Variants in B4GALNT2 observed in about 807,000 individuals in gnomAD.
B4GALNT2 encodes the protein beta-1,4-N-acetyl-galactosaminyltransferase 2 (SID blood group).
Under a neutral mutation model 51.1 loss-of-function variants are expected in B4GALNT2, and 42 were observed. The ratio of observed to expected loss-of-function variants is 0.82; its 90% CI spans 0.64 to 1.06. The LOEUF (loss-of-function observed/expected upper bound fraction) is 1.06. B4GALNT2 is among the 50% of genes least tolerant of loss of function. The probability of loss-of-function intolerance (pLI) is 0.00; values close to 1 mark genes in which losing one functional copy is unlikely to be tolerated. For synonymous variants in B4GALNT2, 253 were observed against 251.7 expected (o/e 1.01, Z -0.05); for missense variants, 602 against 633.6 (o/e 0.95, Z 0.54).
the B4GALNT2 span, among the ~76,000 whole-genome samples, chr17:49,122,834 C>T: frequency 1.3e-5 from 2 of 152,102 alleles, no homozygotes; most frequent in South Asian, 2.1e-4. Flanking sequence ...TATTCCACCC[C>T]GAGGCTGCTA....
upstream of B4GALNT2, among the ~76,000 whole-genome samples, chr17:49,128,633 A>C (rs145280446): frequency 7.9e-5 from 12 of 152,284 alleles, no homozygotes; most frequent in East Asian, 1.5e-3. Context: ...CCTGGTTATA[A>C]AGTTGTCATT....
In B4GALNT2 at chr17:49,174,514, C is replaced by G. The variant is rs1050311783; in HGVS notation, c.*4786C>G. The G allele has an allele frequency of 1.2e-4, 18 of 152,208 alleles. No homozygotes were observed. The allele number at this position is 152,208 out of a possible 1,614,324, so 9.4% of individuals were successfully genotyped here. On this transcript the variant is annotated 3_prime_UTR_variant, in exon 11 of 11. Transcript: ENST00000393354. ...TCTTTGGAATCATAGCAGGAGAAGG[C>G]AGTCCTGGCTGCAATGTCCCCATAG...
At chr17:49,133,068 G>A (rs778536180) in intron 1 of B4GALNT2, 2 of 1,505,104 alleles carry the variant, frequency 1.3e-6, no homozygotes, top group Non-Finnish European at 1.8e-6. Flanking sequence ...CCACGTGGAA[G>A]TGGCCTCTCG....
At chr17:49,127,648 A>T (rs34838849), upstream of B4GALNT2, among the ~76,000 whole-genome samples, 77,207 of 151,706 alleles carry the variant, frequency 0.51, 19,987 homozygotes, top group Middle Eastern at 0.62. Flanking sequence ...AAAAAAAAAA[A>T]TTTCCCTATT....
At chr17:49,135,505 G>T (rs967566911) in intron 1 of B4GALNT2, among the ~76,000 whole-genome samples, 2 of 151,844 alleles carry the variant, frequency 1.3e-5, no homozygotes, top group Non-Finnish European at 2.9e-5. Flanking sequence ...TGATCCACCC[G>T]CCTCGGCCTC....
upstream of B4GALNT2, among the ~76,000 whole-genome samples, chr17:49,127,967 T>C (rs2042519057): frequency 6.6e-6 from 1 of 152,202 alleles, no homozygotes; most frequent in East Asian, 1.9e-4. Context: ...CCTAGGAAAA[T>C]AAGATTTATG....
chr17:49,153,355 C>T (rs1200153370), intron 4 of B4GALNT2, among the ~76,000 whole-genome samples: 2 of 152,074 alleles, frequency 1.3e-5, no homozygotes, highest in Non-Finnish European at 2.9e-5. Context: ...GCCGAGGCTG[C>T]AGTGAGCAGA....
rs749334205 is a variant in B4GALNT2 at position 49,141,265 on chromosome 17, C to T, written c.33C>T (p.Leu11=). 5.6e-6 allele frequency: 9 copies of T among 1,613,970 alleles called. No homozygotes were observed. Among genetic ancestry groups the T allele is most frequent in the East Asian group, 4.5e-5 (2 of 44,876 alleles). Residue 11 remains leucine, a synonymous_variant, in exon 2 of 11, where the codon CTC becomes CTT. Coordinates refer to ENST00000393354, the MANE Select transcript of B4GALNT2 (RefSeq NM_001159387.2). ...CCAACAGCTCGAGATTTCTGTGGCT[C>T]CTCAAGATATTGGTCATAATCCTGG... MTSGGSRFLW[L]LKILVIILVL...
intron 3 of B4GALNT2, among the ~76,000 whole-genome samples, chr17:49,143,324 G>A (rs2042663671): frequency 8.5e-6 from 1 of 117,498 alleles, no homozygotes; most frequent in South Asian, 2.6e-4. Flanking sequence ...AACAAGAAAA[G>A]GGCTGAACTT....
At chr17:49,157,654 G>C (rs1220859807) in intron 5 of B4GALNT2, among the ~76,000 whole-genome samples, 1 of 151,902 alleles carries the variant, frequency 6.6e-6, no homozygotes, top group Non-Finnish European at 1.5e-5. Flanking sequence ...TAGAGTTGTG[G>C]TCTTGCCATG....
chr17:49,157,272 C>T (rs573892126), intron 5 of B4GALNT2, among the ~76,000 whole-genome samples: 44 of 152,010 alleles, frequency 2.9e-4, no homozygotes, highest in African/African-American at 9.4e-4. Flanking sequence ...GCAATCCTCC[C>T]GCATCAGCCT....
intron 5 of B4GALNT2, among the ~76,000 whole-genome samples, chr17:49,156,890 G>A (rs182085500): frequency 1.6e-3 from 248 of 152,328 alleles, no homozygotes; most frequent in African/African-American, 5.5e-3. Context: ...CTGGCACTGC[G>A]TGGCCTCTGT....
intron 4 of B4GALNT2, among the ~76,000 whole-genome samples, chr17:49,154,368 C>T (rs1255428202): frequency 2.0e-5 from 3 of 152,090 alleles, no homozygotes; most frequent in Non-Finnish European, 4.4e-5. Flanking sequence ...TTTTACACAC[C>T]CCTCTAGTTC....
In B4GALNT2 at chr17:49,174,938, C is replaced by T. The variant is rs1270836148; in HGVS notation, c.*5210C>T. On this transcript the variant is annotated 3_prime_UTR_variant, in exon 11 of 11. Transcript: ENST00000393354. ...GTTGACTTTGAGGGCTATACAATTG[C>T]TCTAGAATTAGAACTTGTGCTATCC... The T allele has an allele frequency of 6.6e-6, 1 of 152,124 alleles. No homozygotes were observed. Among genetic ancestry groups the T allele is most frequent in the Non-Finnish European group, 1.5e-5 (1 of 68,022 alleles). 9.4% of individuals were successfully genotyped at this position (152,124 alleles called of 1,614,324 possible).
intron 3 of B4GALNT2, 133 bp from the exon 4 acceptor site, chr17:49,152,667 G>C (rs892222972): frequency 1.8e-4 from 110 of 607,396 alleles, no homozygotes; most frequent in Non-Finnish European, 1.4e-5. Flanking sequence ...CGAGAATGGA[G>C]GGAGACAGGG....
At chr17:49,149,999 A>G (rs1323381194) in intron 3 of B4GALNT2, among the ~76,000 whole-genome samples, 1 of 152,076 alleles carries the variant, frequency 6.6e-6, no homozygotes, top group Admixed American at 6.5e-5. Context: ...CCATATGTTC[A>G]TTGCCATTTG....
intron 1 of B4GALNT2, among the ~76,000 whole-genome samples, chr17:49,133,804 T>C (rs1598193065): frequency 6.6e-6 from 1 of 152,024 alleles, no homozygotes; most frequent in African/African-American, 2.4e-5. Flanking sequence ...TCCCAGCTAC[T>C]TGGGAGGCCG....
intron 1 of B4GALNT2, chr17:49,133,353 G>C: frequency 3.0e-6 from 3 of 1,004,554 alleles, no homozygotes; most frequent in Non-Finnish European, 4.0e-6. Flanking sequence ...GCAGGGCAGA[G>C]TGAGCTGCGG....
upstream of B4GALNT2, among the ~76,000 whole-genome samples, chr17:49,129,462 C>G (rs2042526610): frequency 6.6e-6 from 1 of 152,232 alleles, no homozygotes; most frequent in Non-Finnish European, 1.5e-5. Context: ...CTGCTGTCCA[C>G]TGCTTCCTTG....
Sources: gnomAD v4.1 joint callset for allele counts (sites outside exome capture counted in the v4.1 genomes callset) on GRCh38, gnomAD v4.1.1 for gene constraint, MANE v1.5 for transcripts, NCBI Gene and HGNC (gene_info 2026-07-23, HGNC 2026-07-21) for gene names.